Variants in WIZ observed in about 807,000 individuals in gnomAD.
WIZ encodes the protein WIZ zinc finger.
Under a neutral mutation model 140.2 loss-of-function variants are expected in WIZ, and 25 were observed. The ratio of observed to expected loss-of-function variants is 0.18; its 90% CI spans 0.13 to 0.25. The LOEUF (loss-of-function observed/expected upper bound fraction) is 0.25. WIZ is among the 10% of genes least tolerant of loss of function. WIZ has a pLI of 1.00. For synonymous variants in WIZ, 1,125 were observed against 1,154.3 expected (o/e 0.97, Z 0.51); for missense variants, 2,231 against 2,632.6 (o/e 0.85, Z 3.34).
At position 15,424,399 on chromosome 19, in the gene WIZ, G is replaced by A. The variant is rs749050921; in HGVS notation, c.5315-21C>T. Reference sequence around the variant, plus strand: ...AAATTCTAAGGTGGAGAGGGGGACGGGAGATGAGTGGGAGGGGTGGATGCT... The same window carrying A: ...AAATTCTAAGGTGGAGAGGGGGACGAGAGATGAGTGGGAGGGGTGGATGCT... On this transcript the variant is annotated intron_variant, in intron 11 of 12. Coordinates refer to ENST00000673675, the MANE Select transcript of WIZ (RefSeq NM_001371589.1). This position sits in a 1 kb window ranked among gnomAD's most constrained non-coding sequence, Gnocchi z 9.7. 7 of 1,596,282 alleles carry A rather than the reference G, an allele frequency of 4.4e-6. No individual in the cohort carries two copies. The highest frequency in any genetic ancestry group is 5.1e-6 in the Non-Finnish European group (6 of 1,174,930).
In WIZ at chr19:15,421,595, A is replaced by G. The variant is rs1020235537; in HGVS notation, c.*1481T>C. 6.6e-6 allele frequency: 1 copy of G among 152,174 alleles called. No homozygotes were observed. 9.4% of individuals were successfully genotyped at this position (152,174 alleles called of 1,614,324 possible). A position where few individuals can be genotyped will look rare whatever the true frequency, so the allele number is the denominator to read the frequency against. On this transcript the variant is annotated 3_prime_UTR_variant, in exon 13 of 13. Transcript: ENST00000673675. ...TTTGCAGAGCGAGAAAATAAATAAC[A>G]TCGCAAAGGAGCCAGTGGCTCCTCT...
intron 7 of WIZ, among the ~76,000 whole-genome samples, 195 bp downstream of exon 7, chr19:15,429,391 G>A (rs996074487): frequency 9.2e-5 from 14 of 152,182 alleles, no homozygotes; most frequent in African/African-American, 3.4e-4. Context: ...TGGGAGGCAC[G>A]ATCCACATCC....
At chr19:15,430,177 C>T (rs749865805) in intron 6 of WIZ, 88 bp from the exon 7 acceptor site, 91 of 1,429,272 alleles carry the variant, frequency 6.4e-5, no homozygotes, top group Non-Finnish European at 7.6e-5. Flanking sequence ...GTCCCACTCA[C>T]CCAGGCTCCA....
chr19:15,423,168 G>C lies in WIZ; in HGVS notation c.5578C>G (p.His1860Asp). ...QEEWVRHLQR[H>D]ILEMNFSKAD... ...TTGGAGAAGTTCATCTCCAGGATGT[G>C]CCGCTGTAAGTGCCGCACCCACTCT... The change falls in exon 13 of 13, where the codon CAC becomes GAC. Residue 1860 changes from histidine (H) to aspartate (D), a missense_variant. Transcript: ENST00000673675. The C allele has an allele frequency of 6.2e-7, 1 of 1,613,686 alleles. No individual in the cohort carries two copies. The highest frequency in any genetic ancestry group is 8.5e-7 in the Non-Finnish European group (1 of 1,179,964).
intron 2 of WIZ, 53 bp downstream of exon 2, chr19:15,448,050 C>G: frequency 6.2e-7 from 1 of 1,601,458 alleles, no homozygotes; most frequent in Admixed American, 1.7e-5. Context: ...TCTCTCTGAG[C>G]CTTGGGGAAT....
chr19:15,424,202 T>TCTCGGTG lies in WIZ; in HGVS notation c.5490_5491insCACCGAG (p.Ile1831HisfsTer12). On this transcript the variant is annotated frameshift_variant, in exon 12 of 13. Coordinates refer to ENST00000673675, the MANE Select transcript of WIZ (RefSeq NM_001371589.1). LOFTEE classifies it high-confidence loss of function. The surrounding 1 kb of genome is among the most constrained non-coding windows in gnomAD (Gnocchi z 9.7). The stretch of plus-strand genomic sequence containing the variant: ...GCCTACCTGCATTTGAGGGTGTAGA[T>TCTCGGTG]GTTGCCCACGAACTTGACAAGTGAT... 3 of 1,567,812 alleles carry TCTCGGTG rather than the reference T, an allele frequency of 1.9e-6. No homozygotes were observed. Among genetic ancestry groups the TCTCGGTG allele is most frequent in the Admixed American group, 1.9e-5 (1 of 51,538 alleles).
At position 15,438,806 on chromosome 19, in the gene WIZ, G is replaced by A; in HGVS notation, c.2188C>T (p.Leu730=). The change falls in exon 4 of 13, where the codon CTG becomes TTG. Residue 730 remains leucine (L), a synonymous_variant. Transcript: ENST00000673675. ...LLLDAPLGGP[L]GLDTLLDGDP... is the part of the protein sequence containing the mutation. Reference sequence around the variant, plus strand: ...CCATCCAGGAGTGTGTCCAGCCCCAGCGGGCCGCCCAGCGGCGCGTCCAGG... The same window carrying A: ...CCATCCAGGAGTGTGTCCAGCCCCAACGGGCCGCCCAGCGGCGCGTCCAGG... 5 of 1,517,918 alleles carry A rather than the reference G, an allele frequency of 3.3e-6. No homozygotes were observed. Among genetic ancestry groups the A allele is most frequent in the Non-Finnish European group, 3.5e-6 (4 of 1,132,712 alleles). 94.0% of individuals were successfully genotyped at this position (1,517,918 alleles called of 1,614,324 possible).
At chr19:15,449,302 G>C (rs1970028291) in intron 1 of WIZ, among the ~76,000 whole-genome samples, 1 of 151,964 alleles carries the variant, frequency 6.6e-6, no homozygotes, top group African/African-American at 2.4e-5. Flanking sequence ...TCGGGGGCCT[G>C]GGGATTCCCA....
chr19:15,433,317 T>G (rs1969388144), intron 5 of WIZ: 1 of 985,286 alleles, frequency 1.0e-6, no homozygotes. Flanking sequence ...AGCTGTTCCT[T>G]GACAGTTGGG....
chr19:15,447,190 C>T (rs1160857600), intron 2 of WIZ, among the ~76,000 whole-genome samples: 3 of 152,164 alleles, frequency 2.0e-5, no homozygotes, highest in Non-Finnish European at 4.4e-5. Context: ...GGGTGTGATA[C>T]ATCAGCCCAC....
intron 2 of WIZ, among the ~76,000 whole-genome samples, chr19:15,445,728 A>C (rs1434244181): frequency 2.6e-5 from 4 of 152,198 alleles, no homozygotes; most frequent in Non-Finnish European, 5.9e-5. Context: ...TGGGAGGCCC[A>C]ACCAGAGAGG....
Position 15,423,049 on chromosome 19 carries a change from C to G in WIZ, c.*27G>C, listed in dbSNP as rs772749107. 2 of 1,605,056 alleles carry G rather than the reference C, an allele frequency of 1.2e-6. No homozygotes were observed. The highest frequency in any genetic ancestry group is 1.7e-5 in the Admixed American group (1 of 59,604). On this transcript the variant is annotated 3_prime_UTR_variant, in exon 13 of 13. Transcript: ENST00000673675. Reference sequence around the variant, plus strand: ...GGAAGAAGAGGAGACAGAGGTGGCACGAGAGGGGATCTGGAATGCTTTTGT... The same window carrying G: ...GGAAGAAGAGGAGACAGAGGTGGCAGGAGAGGGGATCTGGAATGCTTTTGT...
chr19:15,429,327 T>C (rs1969067610), intron 7 of WIZ, among the ~76,000 whole-genome samples: 1 of 152,116 alleles, frequency 6.6e-6, no homozygotes, highest in Non-Finnish European at 1.5e-5. Context: ...AGCATGACCC[T>C]GGCAGGCTCA....
At chr19:15,434,550 G>C (rs556602816) in intron 5 of WIZ, among the ~76,000 whole-genome samples, 51 of 135,402 alleles carry the variant, frequency 3.8e-4, no homozygotes, top group Admixed American at 1.3e-3. Context: ...GCGACAGAGC[G>C]ATACTCCATC....
intron 4 of WIZ, among the ~76,000 whole-genome samples, chr19:15,437,964 TCACCCCTTGC>T (rs1969577056): frequency 6.6e-6 from 1 of 152,052 alleles, no homozygotes; most frequent in Non-Finnish European, 1.5e-5. Context: ...TTCCTGGTTG[TCACCCCTTGC>T]CCCCAACCCC....
intron 5 of WIZ, among the ~76,000 whole-genome samples, chr19:15,435,693 CGTG>C (rs1029299265): frequency 2.6e-5 from 4 of 151,614 alleles, no homozygotes; most frequent in Admixed American, 1.3e-4. Context: ...ATTAGCCAGG[CGTG>C]GTGGTGCACG....
At chr19:15,432,456 C>G in intron 5 of WIZ, 1 of 983,748 alleles carries the variant, frequency 1.0e-6, no homozygotes, top group Non-Finnish European at 1.2e-6. Flanking sequence ...CGGACGCGGG[C>G]CCGGGCCCCG....
In WIZ at chr19:15,436,842, T is replaced by C. The variant is rs906329148; in HGVS notation, c.2704A>G (p.Thr902Ala). 6.2e-7 allele frequency: 1 copy of C among 1,609,632 alleles called. No individual in the cohort carries two copies. Among genetic ancestry groups the C allele is most frequent in the Non-Finnish European group, 8.5e-7 (1 of 1,178,558 alleles). ...GCTGGCCCAGGGTCCTCAGCCCAGG[T>C]GGGTGGAAAGGGCACCGTGAGAGGT... is the stretch of plus-strand genomic sequence containing the variant. ...RLPLTVPFPPTWAEDPGPAYG... is the reference protein window; with the variant it reads ...RLPLTVPFPPAWAEDPGPAYG... The change falls in exon 5 of 13, where the codon ACC becomes GCC. Residue 902 changes from threonine (T) to alanine (A), a missense_variant. By Grantham distance (58) the Thr-to-Ala change is moderately conservative. Transcript: ENST00000673675.
intron 2 of WIZ, among the ~76,000 whole-genome samples, chr19:15,446,021 AGACGTGGT>A (rs1969907194): frequency 6.6e-6 from 1 of 152,062 alleles, no homozygotes; most frequent in Admixed American, 6.5e-5. Flanking sequence ...GCAGTGGGAG[AGACGTGGT>A]GTCCCAAACC....
Sources: gnomAD v4.1 joint callset for allele counts (sites outside exome capture counted in the v4.1 genomes callset) on GRCh38, gnomAD v4.1.1 for gene constraint, Gnocchi (gnomAD v3.1) non-coding constraint, MANE v1.5 for transcripts, NCBI Gene and HGNC (gene_info 2026-07-23, HGNC 2026-07-21) for gene names.